CNTNAP4: variants seen among roughly 807,000 people sequenced by gnomAD.
CNTNAP4 encodes contactin associated protein family member 4, also known as contactin-associated protein-like 4.
CNTNAP4 carries 98 observed loss-of-function variants against 148.4 expected under a neutral mutation model. The observed-to-expected ratio is 0.66, with a 90% CI of 0.56 to 0.78. The LOEUF is 0.78. Ranked by LOEUF, CNTNAP4 falls within the 30% of genes least tolerant of loss-of-function variation. CNTNAP4 has a pLI of 0.00. For synonymous variants in CNTNAP4, 730 were observed against 565.1 expected, an observed-to-expected ratio of 1.29 and a Z score of -4.14; for missense variants, 1,935 against 1,565.6, an observed-to-expected ratio of 1.24 and a Z score of -3.98.
intron 3 of CNTNAP4, among the ~76,000 whole-genome samples, chr16:76,402,206 A>C (rs925437733): frequency 6.6e-6 from 1 of 151,990 alleles, no homozygotes; most frequent in Admixed American, 6.6e-5. Context: ...TACTGATTCA[A>C]TTTTGGAGCT....
At chr16:76,310,692 C>T (rs987436157) in intron 1 of CNTNAP4, among the ~76,000 whole-genome samples, 4 of 152,068 alleles carry the variant, frequency 2.6e-5, no homozygotes, top group Non-Finnish European at 2.9e-5. Flanking sequence ...ATGGGACATA[C>T]GATTCATTAG....
chr16:76,310,995 C>T (rs1310855428), intron 1 of CNTNAP4, among the ~76,000 whole-genome samples: 1 of 151,920 alleles, frequency 6.6e-6, no homozygotes, highest in Non-Finnish European at 1.5e-5. Context: ...CCTCAAGTGT[C>T]CCTAGAGTTA....
intron 17 of CNTNAP4, among the ~76,000 whole-genome samples, chr16:76,533,877 C>T (rs771677735): frequency 5.3e-5 from 8 of 152,118 alleles, no homozygotes; most frequent in Non-Finnish European, 1.2e-4. Flanking sequence ...TGGCATCCTT[C>T]ACTGAGGAGA....
intron 3 of CNTNAP4, among the ~76,000 whole-genome samples, chr16:76,411,952 A>G (rs2078813940): frequency 6.6e-6 from 1 of 151,242 alleles, no homozygotes; most frequent in Non-Finnish European, 1.5e-5. Context: ...CTTACTGTTG[A>G]CTCTTACCTC....
chr16:76,364,538 G>A (rs962579553), intron 3 of CNTNAP4, among the ~76,000 whole-genome samples: 2 of 152,070 alleles, frequency 1.3e-5, no homozygotes, highest in African/African-American at 2.4e-5. Context: ...ACAATTCAAT[G>A]ACAACATCAC....
At chr16:76,282,761 G>C (rs1958733878) in intron 1 of CNTNAP4, among the ~76,000 whole-genome samples, 1 of 151,720 alleles carries the variant, frequency 6.6e-6, no homozygotes, top group African/African-American at 2.4e-5. Context: ...AGAATTCCAG[G>C]AACTGATCTT....
At chr16:76,416,901 A>G (rs893927552) in intron 3 of CNTNAP4, among the ~76,000 whole-genome samples, 1 of 151,404 alleles carries the variant, frequency 6.6e-6, no homozygotes, top group African/African-American at 2.4e-5. Context: ...TTAGTTGTCT[A>G]CACAGTTAGG....
At chr16:76,294,980 T>A (rs894653483) in intron 1 of CNTNAP4, among the ~76,000 whole-genome samples, 5 of 152,184 alleles carry the variant, frequency 3.3e-5, no homozygotes, top group African/African-American at 4.8e-5. Context: ...AAGGTGCTTA[T>A]AGGGGGGCCG....
intron 2 of CNTNAP4, among the ~76,000 whole-genome samples, chr16:76,330,090 C>G (rs960933423): frequency 6.6e-6 from 1 of 152,200 alleles, no homozygotes; most frequent in African/African-American, 2.4e-5. Context: ...TTCCAGCTGC[C>G]TGCAAGGTGT....
At chr16:76,358,040 C>G (rs1352301131) in intron 3 of CNTNAP4, among the ~76,000 whole-genome samples, 1 of 151,978 alleles carries the variant, frequency 6.6e-6, no homozygotes, top group East Asian at 1.9e-4. Context: ...TTTATGTTAA[C>G]TCACTGAAGA....
At chr16:76,335,272 A>G (rs926067235) in intron 2 of CNTNAP4, among the ~76,000 whole-genome samples, 2 of 152,146 alleles carry the variant, frequency 1.3e-5, no homozygotes, top group African/African-American at 4.8e-5. Context: ...CTCAGAGGCT[A>G]TTTCTATGTG....
At chr16:76,474,539 C>T (rs1320343857) in intron 10 of CNTNAP4, among the ~76,000 whole-genome samples, 2 of 151,980 alleles carry the variant, frequency 1.3e-5, no homozygotes, top group African/African-American at 2.4e-5. Flanking sequence ...AGTTCTCATC[C>T]TTAGTTTTAA....
intron 15 of CNTNAP4, among the ~76,000 whole-genome samples, chr16:76,503,625 C>G (rs927301346): frequency 6.6e-5 from 10 of 152,018 alleles, no homozygotes; most frequent in Non-Finnish European, 1.5e-4. Flanking sequence ...GTGTGCTGCA[C>G]CCATTAACTC....
At chr16:76,381,547 A>C (rs1330285077) in intron 3 of CNTNAP4, among the ~76,000 whole-genome samples, 1 of 152,160 alleles carries the variant, frequency 6.6e-6, no homozygotes, top group Non-Finnish European at 1.5e-5. Context: ...GGTGATCGTC[A>C]ATTTCATCTA....
intron 1 of CNTNAP4, among the ~76,000 whole-genome samples, chr16:76,283,039 C>G (rs1176191258): frequency 6.6e-6 from 1 of 151,746 alleles, no homozygotes; most frequent in Non-Finnish European, 1.5e-5. Flanking sequence ...TCTCAAAGAG[C>G]TTAACTGAAA....
chr16:76,473,339 G>C (rs542528347), intron 10 of CNTNAP4, among the ~76,000 whole-genome samples: 11 of 152,222 alleles, frequency 7.2e-5, no homozygotes, highest in Middle Eastern at 3.4e-3. Flanking sequence ...CAGTGAGATT[G>C]TCAGTGACAT....
chr16:76,405,498 A>G lies in CNTNAP4; in HGVS notation c.391-21954A>G, dbSNP rs79493801. ...TACTGTTGACTGGAAGCTATTTTGT[A>G]TTTTGTATATGAGTTATATACTGTA... On this transcript the variant is annotated intron_variant, in intron 3 of 23. Transcript: ENST00000611870. Among the ~76,000 whole-genome samples the G allele has an allele frequency of 0.01, 1,579 of 152,288 alleles. 68 individuals carry two copies. The East Asian group carries it at 0.12, about 11-fold the overall frequency.
chr16:76,519,178 T>C (rs2083364792), intron 15 of CNTNAP4, among the ~76,000 whole-genome samples: 1 of 152,224 alleles, frequency 6.6e-6, no homozygotes, highest in Non-Finnish European at 1.5e-5. Context: ...AAAACTTCCT[T>C]ACCTCATTTT....
chr16:76,530,861 G>A (rs2083950547), intron 17 of CNTNAP4, among the ~76,000 whole-genome samples: 1 of 152,176 alleles, frequency 6.6e-6, no homozygotes, highest in Admixed American at 6.5e-5. Flanking sequence ...TTTCTGCAAG[G>A]CAGAGTTTTC....
Sources: allele counts gnomAD v4.1 joint callset (sites outside exome capture counted in the v4.1 genomes callset), GRCh38; gene constraint gnomAD v4.1.1; transcripts MANE v1.5; gene names NCBI Gene and HGNC (gene_info 2026-07-23, HGNC 2026-07-21).